STK32A: variants seen among roughly 807,000 people sequenced by gnomAD.
The protein encoded by STK32A is serine/threonine kinase 32A.
In STK32A, 41 loss-of-function variants were observed where a neutral mutation model predicts 53.2. The observed-to-expected ratio is 0.77, with a 90% CI of 0.60 to 1.00. The LOEUF (loss-of-function observed/expected upper bound fraction) is 1.00, where lower values mean the gene tolerates loss of function less well. Ranked by LOEUF, STK32A falls within the 50% of genes least tolerant of loss-of-function variation. The probability of loss-of-function intolerance (pLI) is 0.00; values close to 1 mark genes in which losing one functional copy is unlikely to be tolerated. For synonymous variants in STK32A, 166 were observed against 162.8 expected (o/e 1.02, Z -0.15); for missense variants, 458 against 485.8 (o/e 0.94, Z 0.54).
chr5:147,277,285 A>G (rs192766463), intron 2 of STK32A, among the ~76,000 whole-genome samples: 2 of 152,346 alleles, frequency 1.3e-5, no homozygotes, highest in East Asian at 3.9e-4. Context: ...TTATCAAGGC[A>G]GTAAACCAAA....
intron 4 of STK32A, among the ~76,000 whole-genome samples, chr5:147,281,404 AG>A (rs202153011): frequency 4.6e-5 from 7 of 152,184 alleles, no homozygotes; most frequent in Non-Finnish European, 7.3e-5. Flanking sequence ...GATAGCTTAA[AG>A]AAAAAACAAT....
chr5:147,351,680 C>G (rs1288644103), intron 7 of STK32A, among the ~76,000 whole-genome samples: 3 of 152,166 alleles, frequency 2.0e-5, no homozygotes, highest in African/African-American at 7.2e-5. Context: ...AACCCTGTCT[C>G]TACTAAAAAT....
intron 2 of STK32A, among the ~76,000 whole-genome samples, chr5:147,276,270 G>A (rs1401327546): frequency 1.3e-5 from 2 of 152,210 alleles, no homozygotes; most frequent in African/African-American, 4.8e-5. Context: ...TCATGACATA[G>A]TAAATGAAGC....
At chr5:147,329,327 C>A (rs1754750492) in intron 5 of STK32A, among the ~76,000 whole-genome samples, 1 of 152,102 alleles carries the variant, frequency 6.6e-6, no homozygotes, top group South Asian at 2.1e-4. Context: ...TGAGATGTTC[C>A]TATCATTCTT....
intron 2 of STK32A, among the ~76,000 whole-genome samples, chr5:147,277,415 C>A (rs191988500): frequency 5.9e-5 from 9 of 152,264 alleles, no homozygotes; most frequent in African/African-American, 1.7e-4. Flanking sequence ...CTTCTAGGGA[C>A]TGAAATTTTA....
chr5:147,237,834 T>C (rs879716783), intron 1 of STK32A, among the ~76,000 whole-genome samples: 11 of 152,232 alleles, frequency 7.2e-5, no homozygotes, highest in Non-Finnish European at 1.6e-4. Flanking sequence ...AACGAGCTTT[T>C]CTTCTACACT....
chr5:147,261,287 T>C (rs1346911785), intron 2 of STK32A, among the ~76,000 whole-genome samples: 2 of 152,190 alleles, frequency 1.3e-5, no homozygotes, highest in Admixed American at 6.5e-5. Context: ...TACTTCTATA[T>C]AGAAGGGTGC....
At chr5:147,374,286 CAA>C (rs113267930) in intron 10 of STK32A, among the ~76,000 whole-genome samples, 3 of 133,894 alleles carry the variant, frequency 2.2e-5, no homozygotes, top group Non-Finnish European at 3.3e-5. Flanking sequence ...GACCCTGTCT[CAA>C]AAAAAAAAAA....
chr5:147,267,408 G>A (rs951952624), intron 2 of STK32A, among the ~76,000 whole-genome samples: 1 of 152,080 alleles, frequency 6.6e-6, no homozygotes, highest in Non-Finnish European at 1.5e-5. Flanking sequence ...GCCACAAAAA[G>A]TCAGATTTAA....
At chr5:147,300,307 C>G (rs1753068692) in intron 4 of STK32A, among the ~76,000 whole-genome samples, 1 of 152,152 alleles carries the variant, frequency 6.6e-6, no homozygotes, top group African/African-American at 2.4e-5. Flanking sequence ...AGCGAGGACT[C>G]AAACCCAAGA....
At chr5:147,337,115 A>T (rs1755171721) in intron 5 of STK32A, among the ~76,000 whole-genome samples, 1 of 152,214 alleles carries the variant, frequency 6.6e-6, no homozygotes, top group Non-Finnish European at 1.5e-5. Flanking sequence ...AAGAGTAGAT[A>T]CATCAATTCT....
chr5:147,295,636 T>C (rs1752832443), intron 4 of STK32A, among the ~76,000 whole-genome samples: 1 of 152,240 alleles, frequency 6.6e-6, no homozygotes, highest in Admixed American at 6.5e-5. Context: ...AACTCATTCA[T>C]ATATTTTTGT....
chr5:147,375,083 C>T lies in STK32A; in HGVS notation c.904-7C>T, dbSNP rs935699776. ...TCTGAGGATTGAGCCAACTGTCTTC[C>T]TTGCAGAAAGGCAGGCTGAATTGTG... On this transcript the variant is annotated splice_polypyrimidine_tract_variant and splice_region_variant and intron_variant, in intron 10 of 12. Coordinates refer to ENST00000397936, the MANE Select transcript of STK32A (RefSeq NM_001112724.2). 1.7e-5 allele frequency: 27 copies of T among 1,597,726 alleles called. No homozygotes were observed. Among genetic ancestry groups the T allele is most frequent in the Admixed American group, 3.5e-5 (2 of 56,652 alleles).
intron 7 of STK32A, among the ~76,000 whole-genome samples, chr5:147,356,428 A>T (rs937376870): frequency 6.6e-6 from 1 of 152,166 alleles, no homozygotes; most frequent in Non-Finnish European, 1.5e-5. Context: ...TTGTTATAGT[A>T]TATATTGTTC....
intron 4 of STK32A, among the ~76,000 whole-genome samples, chr5:147,291,555 A>G (rs1447983690): frequency 3.3e-5 from 5 of 151,956 alleles, no homozygotes; most frequent in Admixed American, 2.0e-4. Context: ...TACAATTAAA[A>G]AAAAAAAAGA....
At chr5:147,306,235 A>G (rs1753401292) in intron 4 of STK32A, among the ~76,000 whole-genome samples, 1 of 152,000 alleles carries the variant, frequency 6.6e-6, no homozygotes, top group Non-Finnish European at 1.5e-5. Flanking sequence ...CTTATTGACC[A>G]TTTATAATCC....
intron 8 of STK32A, among the ~76,000 whole-genome samples, chr5:147,362,534 C>T (rs1156411058): frequency 6.6e-6 from 1 of 152,206 alleles, no homozygotes; most frequent in Non-Finnish European, 1.5e-5. Flanking sequence ...AGGGTTAAGG[C>T]TTCAACATCT....
chr5:147,347,675 A>G (rs1755756420), intron 6 of STK32A, among the ~76,000 whole-genome samples: 1 of 152,172 alleles, frequency 6.6e-6, no homozygotes, highest in Admixed American at 6.5e-5. Flanking sequence ...GGGCTAATGA[A>G]AAAAGCCAGA....
At chr5:147,280,578 C>A (rs1206906947) in intron 4 of STK32A, among the ~76,000 whole-genome samples, 1 of 151,898 alleles carries the variant, frequency 6.6e-6, no homozygotes, top group Non-Finnish European at 1.5e-5. Flanking sequence ...CTCCTAGGTA[C>A]ACAACTCCAG....
Sources: gnomAD v4.1 joint callset for allele counts (sites outside exome capture counted in the v4.1 genomes callset) on GRCh38, gnomAD v4.1.1 for gene constraint, MANE v1.5 for transcripts, NCBI Gene and HGNC (gene_info 2026-07-23, HGNC 2026-07-21) for gene names.